The following OXCT1 variants were observed in gnomAD, a reference collection of about 807,000 sequenced individuals.
The protein encoded by OXCT1 is succinyl-CoA:3-ketoacid coenzyme A transferase 1, mitochondrial.
A neutral mutation model predicts 69.6 loss-of-function variants in OXCT1; 27 were observed. That is an observed-to-expected ratio of 0.39 (90% confidence interval 0.29 to 0.54). OXCT1 has a LOEUF of 0.54. Ranked by LOEUF, OXCT1 falls within the 20% of genes least tolerant of loss-of-function variation. The probability of loss-of-function intolerance (pLI) is 0.72; values close to 1 mark genes in which losing one functional copy is unlikely to be tolerated. For missense variants in OXCT1, 437 were observed against 650.2 expected (o/e 0.67, Z 3.57); for synonymous variants, 202 against 217.8 (o/e 0.93, Z 0.64).
chr5:41,773,704 G>C (rs1257685486), intron 13 of OXCT1, among the ~76,000 whole-genome samples: 2 of 147,076 alleles, frequency 1.4e-5, no homozygotes, highest in African/African-American at 5.0e-5. Context: ...GATCAGAAGA[G>C]GTAAAAAGCA....
intron 14 of OXCT1, among the ~76,000 whole-genome samples, chr5:41,753,727 A>T (rs1278936124): frequency 1.3e-5 from 2 of 152,176 alleles, no homozygotes; most frequent in East Asian, 3.9e-4. Flanking sequence ...CTAAGCTAAG[A>T]CTATTTTTCT....
chr5:41,830,052 T>C (rs964068800), intron 7 of OXCT1, among the ~76,000 whole-genome samples: 2 of 152,192 alleles, frequency 1.3e-5, no homozygotes, highest in African/African-American at 4.8e-5. Flanking sequence ...TGGCACAGAA[T>C]TTACAGATCT....
intron 13 of OXCT1, among the ~76,000 whole-genome samples, chr5:41,776,313 A>T (rs1036179698): frequency 6.6e-6 from 1 of 152,226 alleles, no homozygotes. Flanking sequence ...AAAGCAATGC[A>T]GTACCCTGAA....
intron 5 of OXCT1, among the ~76,000 whole-genome samples, chr5:41,846,419 A>G (rs1424867336): frequency 8.7e-5 from 13 of 148,834 alleles, no homozygotes; most frequent in African/African-American, 3.0e-4. Context: ...ACTGAGAATG[A>G]TGATTTCCAA....
chr5:41,863,297 T>C (rs1186296729), intron 1 of OXCT1, among the ~76,000 whole-genome samples: 1 of 152,206 alleles, frequency 6.6e-6, no homozygotes, highest in African/African-American at 2.4e-5. Context: ...TATTTATAAA[T>C]GCACACACTT....
At chr5:41,742,652 G>A (rs189884822) in intron 15 of OXCT1, among the ~76,000 whole-genome samples, 52 of 150,800 alleles carry the variant, frequency 3.4e-4, no homozygotes, top group African/African-American at 1.2e-3. Flanking sequence ...CCCACAACAG[G>A]CCCCAGTGTG....
chr5:41,746,445 T>C (rs1329266883), intron 15 of OXCT1, among the ~76,000 whole-genome samples: 1 of 152,064 alleles, frequency 6.6e-6, no homozygotes, highest in Non-Finnish European at 1.5e-5. Context: ...GCTGGAGACC[T>C]TCATTGCTCT....
At chr5:41,796,026 GCTTCTATTAAAA>G (rs1746164943) in intron 11 of OXCT1, among the ~76,000 whole-genome samples, 1 of 151,894 alleles carries the variant, frequency 6.6e-6, no homozygotes, top group Non-Finnish European at 1.5e-5. Flanking sequence ...TGCCCCATAA[GCTTCTATTAAAA>G]CCACAGGATT....
intron 5 of OXCT1, among the ~76,000 whole-genome samples, chr5:41,844,299 C>A (rs544300844): frequency 6.6e-6 from 1 of 152,074 alleles, no homozygotes; most frequent in Non-Finnish European, 1.5e-5. Context: ...CCCTCTATTC[C>A]AAAAAGGAAT....
chr5:41,801,864 G>A (rs1746439449), intron 10 of OXCT1, among the ~76,000 whole-genome samples: 2 of 151,534 alleles, frequency 1.3e-5, no homozygotes, highest in Admixed American at 6.6e-5. Context: ...ACATATATTC[G>A]ATGAAAAGAG....
intron 4 of OXCT1, among the ~76,000 whole-genome samples, chr5:41,852,815 T>C (rs1310069422): frequency 2.6e-5 from 4 of 152,186 alleles, no homozygotes; most frequent in African/African-American, 4.8e-5. Context: ...GGCTTACACC[T>C]GTGAGGCCAA....
At chr5:41,811,241 A>T (rs1363285809) in intron 7 of OXCT1, among the ~76,000 whole-genome samples, 3 of 152,030 alleles carry the variant, frequency 2.0e-5, no homozygotes, top group Non-Finnish European at 4.4e-5. Flanking sequence ...CACGTTCAAT[A>T]GATAAATAGG....
At chr5:41,810,220 C>T (rs1746900591) in intron 7 of OXCT1, among the ~76,000 whole-genome samples, 2 of 151,752 alleles carry the variant, frequency 1.3e-5, no homozygotes, top group Admixed American at 6.6e-5. Context: ...TGAGATCAGG[C>T]GATTTAAACA....
rs1319607268 is a variant in OXCT1 at position 41,807,318 on chromosome 5, C to T, written c.840+13G>A. 6 of 1,333,724 alleles carry T rather than the reference C, an allele frequency of 4.5e-6. No homozygotes were observed. In the South Asian group the frequency reaches 7.0e-5, roughly 16 times the overall value. 82.6% of individuals were successfully genotyped at this position (1,333,724 alleles called of 1,614,324 possible). A position where few individuals can be genotyped will look rare whatever the true frequency, so the allele number is the denominator to read the frequency against. On this transcript the variant is annotated intron_variant, in intron 8 of 16. Transcript: ENST00000196371. Reference sequence around the variant, plus strand: ...GGATCCATGAATACTGACAAAGCAGCTAAGTCAATTACCTCAATTCTTTTC... The same window carrying T: ...GGATCCATGAATACTGACAAAGCAGTTAAGTCAATTACCTCAATTCTTTTC...
chr5:41,788,881 A>C (rs1410260213), intron 13 of OXCT1, among the ~76,000 whole-genome samples: 1 of 152,226 alleles, frequency 6.6e-6, no homozygotes, highest in Non-Finnish European at 1.5e-5. Context: ...CTGGGCCATA[A>C]GCAAGTCTCA....
At chr5:41,845,255 G>A (rs757060199) in intron 5 of OXCT1, among the ~76,000 whole-genome samples, 19 of 152,022 alleles carry the variant, frequency 1.2e-4, no homozygotes, top group East Asian at 1.9e-4. Context: ...CACTTGCCTC[G>A]TTCTCCTACC....
intron 7 of OXCT1, among the ~76,000 whole-genome samples, chr5:41,818,676 C>A (rs1747375498): frequency 6.6e-6 from 1 of 151,946 alleles, no homozygotes; most frequent in South Asian, 2.1e-4. Context: ...TTTCAAGGGG[C>A]CTAGTAAAAG....
intron 13 of OXCT1, among the ~76,000 whole-genome samples, chr5:41,771,932 C>T (rs1030479946): frequency 6.6e-6 from 1 of 152,134 alleles, no homozygotes; most frequent in Non-Finnish European, 1.5e-5. Context: ...TTGGTTCAAC[C>T]TATGTTCTAA....
chr5:41,792,920 T>C (rs1745990414), intron 13 of OXCT1, among the ~76,000 whole-genome samples: 1 of 152,220 alleles, frequency 6.6e-6, no homozygotes, highest in Non-Finnish European at 1.5e-5. Flanking sequence ...AGAGACTACC[T>C]GGGCTGGAAC....
Sources: gnomAD v4.1 joint callset for allele counts (sites outside exome capture counted in the v4.1 genomes callset) on GRCh38, gnomAD v4.1.1 for gene constraint, MANE v1.5 for transcripts, NCBI Gene and HGNC (gene_info 2026-07-23, HGNC 2026-07-21) for gene names.